Variants in GABRG3 observed in about 807,000 individuals in gnomAD.
The protein encoded by GABRG3 is gamma-aminobutyric acid type A receptor subunit gamma3.
Under a neutral mutation model 48.8 loss-of-function variants are expected in GABRG3, and 25 were observed. The observed-to-expected ratio is 0.51, with a 90% CI of 0.37 to 0.72. GABRG3 has a LOEUF of 0.72. Among genes scored for constraint, GABRG3 ranks in the 30% least tolerant of loss-of-function variants. GABRG3 has a pLI of 0.00. For missense variants in GABRG3, 394 were observed against 577.9 expected (o/e 0.68, Z 3.26); for synonymous variants, 227 against 217.6 (o/e 1.04, Z -0.38).
intron 8 of GABRG3, 84 bp downstream of exon 8, chr15:27,527,713 T>A: frequency 7.8e-7 from 1 of 1,287,720 alleles, no homozygotes; most frequent in Non-Finnish European, 1.1e-6. Flanking sequence ...GTTGTATTCC[T>A]AAGGATCGTA....
chr15:27,100,211 C>T (rs961863620), intron 3 of GABRG3, among the ~76,000 whole-genome samples: 7 of 93,938 alleles, frequency 7.5e-5, no homozygotes, highest in African/African-American at 4.0e-4. Flanking sequence ...GAGCAAGACC[C>T]TGTCTCAAAA....
At chr15:27,119,854 G>A (rs1034796457) in intron 3 of GABRG3, among the ~76,000 whole-genome samples, 1 of 152,200 alleles carries the variant, frequency 6.6e-6, no homozygotes, top group African/African-American at 2.4e-5. Context: ...CACAGCTGCT[G>A]ACTTCATTAA....
chr15:27,407,832 G>A (rs112887893), intron 5 of GABRG3, among the ~76,000 whole-genome samples: 185 of 152,308 alleles, frequency 1.2e-3, no homozygotes, highest in African/African-American at 4.2e-3. Context: ...TGGATGAATA[G>A]GTGGAGCCCA....
chr15:27,266,159 C>T (rs375011020), intron 3 of GABRG3, among the ~76,000 whole-genome samples: 1 of 150,846 alleles, frequency 6.6e-6, no homozygotes, highest in Non-Finnish European at 1.5e-5. Flanking sequence ...GGATTACAGG[C>T]GTGAGCCATC....
At chr15:27,102,499 T>A (rs1897379000) in intron 3 of GABRG3, among the ~76,000 whole-genome samples, 2 of 152,194 alleles carry the variant, frequency 1.3e-5, no homozygotes, top group African/African-American at 4.8e-5. Context: ...AAATCATGCT[T>A]GGTGACAACT....
At chr15:27,091,694 A>G (rs997093094) in intron 3 of GABRG3, among the ~76,000 whole-genome samples, 16 of 152,104 alleles carry the variant, frequency 1.1e-4, no homozygotes, top group African/African-American at 1.7e-4. Flanking sequence ...TTCCCTGCAT[A>G]TGTCTTTCCA....
chr15:26,998,781 C>T (rs766353268), intron 2 of GABRG3, among the ~76,000 whole-genome samples: 14 of 152,074 alleles, frequency 9.2e-5, no homozygotes, highest in Non-Finnish European at 1.9e-4. Flanking sequence ...GTATCAGATT[C>T]GAGTTTTATA....
chr15:27,350,027 C>G, intron 5 of GABRG3: 1 of 444,144 alleles, frequency 2.3e-6, no homozygotes, highest in South Asian at 1.6e-5. Flanking sequence ...CAAAAGATTA[C>G]CAGGTTAGGG....
intron 3 of GABRG3, among the ~76,000 whole-genome samples, chr15:27,092,767 C>G (rs997423875): frequency 6.6e-6 from 1 of 152,062 alleles, no homozygotes. Context: ...ATGACTTGCT[C>G]GGTGTCTTTG....
At chr15:26,999,705 T>G (rs1895408808) in intron 2 of GABRG3, among the ~76,000 whole-genome samples, 1 of 152,174 alleles carries the variant, frequency 6.6e-6, no homozygotes, top group Admixed American at 6.5e-5. Flanking sequence ...TGTATATTTT[T>G]CTGGTTCTTC....
At position 27,326,646 on chromosome 15, in the gene GABRG3, T is replaced by C. The variant is rs557455404; in HGVS notation, c.271-163T>C. Among the ~76,000 whole-genome samples the C allele has an allele frequency of 2.0e-5, 3 of 152,330 alleles. No individual in the cohort carries two copies. In the South Asian group the frequency reaches 6.2e-4, roughly 32 times the overall value. ...CACTGTTGACAAATAATATTGGTCA[T>C]CATTCACTGAGTGCTTGCCATGTTG... On this transcript the variant is annotated intron_variant, in intron 3 of 9. Coordinates refer to ENST00000615808, the MANE Select transcript of GABRG3 (RefSeq NM_033223.5).
At chr15:27,494,237 T>C (rs986892726) in intron 6 of GABRG3, among the ~76,000 whole-genome samples, 11 of 147,584 alleles carry the variant, frequency 7.5e-5, no homozygotes, top group African/African-American at 3.0e-4. Context: ...ATATTGTTAA[T>C]ATTATTAACA....
rs1442423629 is a variant in GABRG3, at chr15:27,408,115, A to G, written c.575-72535A>G. ...TGACCCGAAAACTGCTTTAAAAAAT[A>G]AAGTCTTAAAAAAAAATCACAGACT... On this transcript the variant is annotated intron_variant, in intron 5 of 9. Coordinates refer to ENST00000615808, the MANE Select transcript of GABRG3 (RefSeq NM_033223.5). Among the ~76,000 whole-genome samples, 3 of 152,190 alleles carry G rather than the reference A, an allele frequency of 2.0e-5. No homozygotes were observed. The East Asian group carries it at 5.8e-4, about 29-fold the overall frequency.
chr15:27,221,742 G>A (rs1391345666), intron 3 of GABRG3, among the ~76,000 whole-genome samples: 3 of 152,124 alleles, frequency 2.0e-5, no homozygotes. Context: ...CTGGATCAAC[G>A]TAGCCTGTTT....
At chr15:26,990,686 T>C (rs1895230674) in intron 2 of GABRG3, among the ~76,000 whole-genome samples, 1 of 152,184 alleles carries the variant, frequency 6.6e-6, no homozygotes, top group Admixed American at 6.5e-5. Flanking sequence ...TGTGGGCTAT[T>C]ACTCAGGAAA....
At chr15:27,209,107 G>T (rs771053759) in intron 3 of GABRG3, among the ~76,000 whole-genome samples, 21 of 152,200 alleles carry the variant, frequency 1.4e-4, no homozygotes, top group Non-Finnish European at 2.9e-4. Flanking sequence ...CTGAAATGGA[G>T]ATCTGTGTCT....
intron 5 of GABRG3, among the ~76,000 whole-genome samples, chr15:27,436,013 G>A (rs1888598287): frequency 6.6e-6 from 1 of 152,244 alleles, no homozygotes; most frequent in African/African-American, 2.4e-5. Flanking sequence ...ATGGAAAGCA[G>A]TGACAAGATT....
At chr15:27,274,505 G>T (rs1259071465) in intron 3 of GABRG3, among the ~76,000 whole-genome samples, 1 of 152,080 alleles carries the variant, frequency 6.6e-6, no homozygotes, top group Admixed American at 6.5e-5. Context: ...TCAAGAACCA[G>T]ACCAGCCTCA....
At chr15:27,045,231 C>A (rs960164528) in intron 3 of GABRG3, among the ~76,000 whole-genome samples, 1 of 152,200 alleles carries the variant, frequency 6.6e-6, no homozygotes, top group Admixed American at 6.5e-5. Flanking sequence ...GCCCAGAGGG[C>A]TGAGCAGAGG....
Sources: allele counts gnomAD v4.1 joint callset (sites outside exome capture counted in the v4.1 genomes callset), GRCh38; gene constraint gnomAD v4.1.1; transcripts MANE v1.5; gene names NCBI Gene and HGNC (gene_info 2026-07-23, HGNC 2026-07-21).